COQ8B: variants seen among roughly 807,000 people sequenced by gnomAD.
The protein encoded by COQ8B is coenzyme Q8B.
A neutral mutation model predicts 62.0 loss-of-function variants in COQ8B; 44 were observed. The observed-to-expected ratio is 0.71, with a 90% CI of 0.56 to 0.91. The LOEUF (loss-of-function observed/expected upper bound fraction) is 0.91, where lower values mean the gene tolerates loss of function less well. Among genes scored for constraint, COQ8B ranks in the 40% least tolerant of loss-of-function variants. The pLI is 0.00. For synonymous variants in COQ8B, 252 were observed against 289.9 expected (o/e 0.87, Z 1.33); for missense variants, 649 against 731.6 (o/e 0.89, Z 1.30).
rs770968101 is a variant in COQ8B, at chr19:40,695,991, C to T, written c.1207G>A (p.Glu403Lys). 22 of 1,614,004 alleles carry T rather than the reference C, an allele frequency of 1.4e-5. No homozygotes were observed. In the Admixed American group the frequency reaches 1.5e-4, roughly 11 times the overall value. Residue 403 changes from glutamate to lysine, a missense_variant and splice_region_variant, in exon 13 of 15, where the codon GAG becomes AAG. Physicochemically the swap from Glu to Lys is moderately conservative, Grantham distance 56. Transcript: ENST00000324464. ...FGTEFTDHYI[E>K]VVKAAADGDR... is the part of the protein sequence containing the mutation. ...CCTGGGGTCTGGGGGAGACTCACCT[C>T]GATGTAATGGTCTGTGAACTCTGTC...
intron 4 of COQ8B, among the ~76,000 whole-genome samples, chr19:40,710,574 T>C (rs2082133375): frequency 6.6e-6 from 1 of 152,278 alleles, no homozygotes; most frequent in East Asian, 1.9e-4. Flanking sequence ...TTTGTATCTC[T>C]GTTTCCAAAT....
rs539108283 is a variant in COQ8B at position 40,710,070 on chromosome 19, C to T, written c.356G>A (p.Arg119His). ...EMAKKSMPGG[R>H]LQSEGGSGLD... ...TGTGGCTCACTCACCTGACTGCAGA[C>T]GACCTCCTGGCATGGACTTCTTAGC... is the stretch of plus-strand genomic sequence containing the variant. The change falls in exon 5 of 15, where the codon CGT (arginine) becomes CAT (histidine). Residue 119 changes from arginine to histidine, a missense_variant. Coordinates refer to ENST00000324464, the MANE Select transcript of COQ8B (RefSeq NM_024876.4). 15 of 1,613,838 alleles carry T rather than the reference C, an allele frequency of 9.3e-6. No individual in the cohort carries two copies. Among genetic ancestry groups the T allele is most frequent in the East Asian group, 4.5e-5 (2 of 44,860 alleles).
intron 12 of COQ8B, among the ~76,000 whole-genome samples, chr19:40,697,155 A>G (rs1420007261): frequency 6.7e-6 from 1 of 150,036 alleles, no homozygotes; most frequent in African/African-American, 2.5e-5. Context: ...TCTGTTGCCC[A>G]GGCTGGAGTG....
At chr19:40,697,895 T>C (rs2082031576) in intron 12 of COQ8B, among the ~76,000 whole-genome samples, 1 of 95,020 alleles carries the variant, frequency 1.1e-5, no homozygotes, top group Non-Finnish European at 2.2e-5. Context: ...TGGGCGTTCA[T>C]GCAAATGCAC....
Position 40,714,086 on chromosome 19 carries a change from G to A in COQ8B, c.270C>T (p.Ser90=). The stretch of plus-strand genomic sequence containing the variant: ...ACCTACCCCCAAAGTTGGCCAAGCG[G>A]CTGATGCGGGAGGCAGGCACCTTGC... ...RERKVPASRI[S]RLANFGGLAV... Residue 90 remains serine (S), a synonymous_variant, in exon 4 of 15, where the codon AGC becomes AGT. Transcript: ENST00000324464. 2 of 1,614,114 alleles carry A rather than the reference G, an allele frequency of 1.2e-6. No homozygotes were observed. The highest frequency in any genetic ancestry group is 1.7e-6 in the Non-Finnish European group (2 of 1,180,016).
At chr19:40,702,088 T>C (rs1307941887) in intron 10 of COQ8B, among the ~76,000 whole-genome samples, 1 of 152,224 alleles carries the variant, frequency 6.6e-6, no homozygotes, top group East Asian at 1.9e-4. Flanking sequence ...AGTCTGATGA[T>C]GGATACTGGC....
In COQ8B at chr19:40,692,208, G is replaced by A. The variant is rs766158037; in HGVS notation, c.1462C>T (p.Leu488=). 1.1e-5 allele frequency: 17 copies of A among 1,603,230 alleles called. No individual in the cohort carries two copies. Among genetic ancestry groups the A allele is most frequent in the Non-Finnish European group, 1.4e-5 (17 of 1,174,952 alleles). Reference sequence around the variant, plus strand: ...AAAGCCCCTGCCAGCTTGCGGTGCAGGGCATAGGTCTCCTCGGGTGGGGGA... The same window carrying A: ...AAAGCCCCTGCCAGCTTGCGGTGCAAGGCATAGGTCTCCTCGGGTGGGGGA... The part of the protein sequence containing the change: ...LCPPPEETYA[L]HRKLAGAFLA... Residue 488 remains leucine (L), a synonymous_variant, in exon 15 of 15, where the codon CTG becomes TTG. Transcript: ENST00000324464.
At position 40,692,277 on chromosome 19, in the gene COQ8B, G is replaced by A. The variant is rs752584589; in HGVS notation, c.1393C>T (p.Arg465Cys). Residue 465 changes from arginine to cysteine, a missense_variant, in exon 15 of 15, where the codon CGC (arginine) becomes TGC (cysteine). Arg to Cys is a radical substitution (Grantham distance 180). Coordinates refer to ENST00000324464, the MANE Select transcript of COQ8B (RefSeq NM_024876.4). ...AGCACCGGGATGAGGTCCTGTATGCGGCGGGCCGTTTCCCCCGACCCAAAG... is the reference window on the plus strand; with the variant it reads ...AGCACCGGGATGAGGTCCTGTATGCAGCGGGCCGTTTCCCCCGACCCAAAG... ...YDFGSGETAR[R>C]IQDLIPVLLR... 18 of 1,613,390 alleles carry A rather than the reference G, an allele frequency of 1.1e-5. No individual in the cohort carries two copies. The highest frequency in any genetic ancestry group is 4.0e-5 in the African/African-American group (3 of 74,870).
At chr19:40,705,618 A>G (rs926476625) in intron 5 of COQ8B, among the ~76,000 whole-genome samples, 171 bp from the exon 6 acceptor site, 5 of 152,228 alleles carry the variant, frequency 3.3e-5, no homozygotes, top group African/African-American at 1.2e-4. Context: ...AAAAAAATAT[A>G]TATCATCTGC....
intron 5 of COQ8B, among the ~76,000 whole-genome samples, chr19:40,708,314 C>G (rs1479601064): frequency 6.6e-6 from 1 of 151,856 alleles, no homozygotes; most frequent in African/African-American, 2.4e-5. Context: ...CTCACCACTG[C>G]ACTCTAGCCT....
chr19:40,714,184 G>A (rs1204989771), intron 3 of COQ8B, 51 bp from the exon 4 acceptor site: 1 of 1,612,414 alleles, frequency 6.2e-7, no homozygotes, highest in Non-Finnish European at 8.5e-7. Flanking sequence ...ATCGTGGCCA[G>A]AGAGTGCAGC....
At position 40,703,034 on chromosome 19, in the gene COQ8B, A is replaced by C. The variant is rs535001032; in HGVS notation, c.800-341T>G. Reference sequence around the variant, plus strand: ...CTTTTCTGGGCTCTGTCTCTTGCACATGCCTGCACCCCAGTCCCTGGCAGC... The same window carrying C: ...CTTTTCTGGGCTCTGTCTCTTGCACCTGCCTGCACCCCAGTCCCTGGCAGC... On this transcript the variant is annotated intron_variant, in intron 9 of 14. Coordinates refer to ENST00000324464, the MANE Select transcript of COQ8B (RefSeq NM_024876.4). 7.9e-5 allele frequency among the ~76,000 whole-genome samples: 12 copies of C among 152,146 alleles called. No individual in the cohort carries two copies. The East Asian group carries it at 2.3e-3, about 29-fold the overall frequency.
intron 4 of COQ8B, among the ~76,000 whole-genome samples, chr19:40,712,026 G>T (rs1270225263): frequency 2.0e-5 from 3 of 151,212 alleles, no homozygotes; most frequent in Non-Finnish European, 2.9e-5. Context: ...TATATATATA[G>T]ATTTTTTTTT....
At position 40,714,563 on chromosome 19, in the gene COQ8B, A is replaced by G. The variant is rs770418178; in HGVS notation, c.70T>C (p.Cys24Arg). Reference sequence around the variant, plus strand: ...TGGGGCCCAGGCCCCAGGGCCCCACAAGGCCAACCAACAGTCTGGCCCAGC... The same window carrying G: ...TGGGGCCCAGGCCCCAGGGCCCCACGAGGCCAACCAACAGTCTGGCCCAGC... Reference protein sequence around the residue: ...GQLGQTVGWPCGALGPGPHRW... With the variant: ...GQLGQTVGWPRGALGPGPHRW... The change falls in exon 2 of 15, where the codon TGT becomes CGT. Residue 24 changes from cysteine to arginine, a missense_variant. By Grantham distance (180) the Cys-to-Arg change is radical (BLOSUM62 -3). Coordinates refer to ENST00000324464, the MANE Select transcript of COQ8B (RefSeq NM_024876.4). 7 of 1,613,256 alleles carry G rather than the reference A, an allele frequency of 4.3e-6. No individual in the cohort carries two copies. In the African/African-American group the frequency reaches 8.0e-5, roughly 18 times the overall value.
intron 14 of COQ8B, among the ~76,000 whole-genome samples, 190 bp from the exon 15 acceptor site, chr19:40,692,563 G>A (rs897022867): frequency 1.3e-5 from 2 of 151,826 alleles, no homozygotes; most frequent in Non-Finnish European, 2.9e-5. Flanking sequence ...CCTATTCCCC[G>A]AGTAAGCACC....
chr19:40,698,234 G>C lies in COQ8B; in HGVS notation c.1143+1833C>G, dbSNP rs1340733202. ...TTCATCTCGGGGAAAAAAAAGAAAAGTGTCCCAAAATAATATGGATCCCTC... is the reference window on the plus strand; with the variant it reads ...TTCATCTCGGGGAAAAAAAAGAAAACTGTCCCAAAATAATATGGATCCCTC... On this transcript the variant is annotated intron_variant, in intron 12 of 14. Coordinates refer to ENST00000324464, the MANE Select transcript of COQ8B (RefSeq NM_024876.4). Among the ~76,000 whole-genome samples, 3 of 148,828 alleles carry C rather than the reference G, an allele frequency of 2.0e-5. No homozygotes were observed. In the East Asian group the frequency reaches 6.0e-4, roughly 30 times the overall value.
At chr19:40,715,845 C>CTGTGTGTGTGTGTGTG (rs57781535) in intron 1 of COQ8B, 17 of 149,392 alleles carry the variant, frequency 1.1e-4, no homozygotes, top group African/African-American at 4.0e-4. Context: ...CTTTCTTTCT[C>CTGTGTGTGTGTGTGTG]TGTGTGTGTG....
chr19:40,706,049 A>G (rs1246632394), intron 5 of COQ8B, among the ~76,000 whole-genome samples: 1 of 152,218 alleles, frequency 6.6e-6, no homozygotes, highest in Non-Finnish European at 1.5e-5. Flanking sequence ...ACTACACACA[A>G]CAGCCCAGGT....
In COQ8B at chr19:40,697,874, A is replaced by AGAGG. The variant is rs202234463; in HGVS notation, c.1144-1821_1144-1820insCCTC. Among the ~76,000 whole-genome samples the AGAGG allele has an allele frequency of 5.2e-5, 5 of 96,974 alleles. No homozygotes were observed. In the East Asian group the frequency reaches 1.1e-3, roughly 22 times the overall value. The allele number at this position is 96,974 out of a possible 152,430, so 63.6% of individuals were successfully genotyped here. A position where few individuals can be genotyped will look rare whatever the true frequency, so the allele number is the denominator to read the frequency against. On this transcript the variant is annotated intron_variant, in intron 12 of 14. Coordinates refer to ENST00000324464, the MANE Select transcript of COQ8B (RefSeq NM_024876.4). ...TATAGAGAGAGAGAGAGAGAGAGAG[A>AGAGG]GAGTTTCTACTGGGCGTTCATGCAA...
Sources: gnomAD v4.1 joint callset for allele counts (sites outside exome capture counted in the v4.1 genomes callset) on GRCh38, gnomAD v4.1.1 for gene constraint, MANE v1.5 for transcripts, NCBI Gene and HGNC (gene_info 2026-07-23, HGNC 2026-07-21) for gene names.